KLC1: variants seen among roughly 807,000 people sequenced by gnomAD.
KLC1 encodes kinesin 2 60/70kDa.
Under a neutral mutation model 84.2 loss-of-function variants are expected in KLC1, and 30 were observed. The ratio of observed to expected loss-of-function variants is 0.36; its 90% CI spans 0.27 to 0.48. KLC1 has a LOEUF of 0.48. Ranked by LOEUF, KLC1 falls within the 20% of genes least tolerant of loss-of-function variation. The pLI, the probability that KLC1 is intolerant of heterozygous loss-of-function variation, is 0.99. For missense variants in KLC1, 499 were observed against 805.4 expected (o/e 0.62, Z 4.60); for synonymous variants, 289 against 293.3 (o/e 0.99, Z 0.15).
intron 1 of KLC1, among the ~76,000 whole-genome samples, chr14:103,638,687 A>T: frequency 8.2e-6 from 1 of 122,542 alleles, no homozygotes; most frequent in Non-Finnish European, 1.6e-5. Flanking sequence ...TTTGAGTCAG[A>T]GTCTCGCTCT....
intron 15 of KLC1, chr14:103,695,730 C>T (rs1567043635): frequency 5.1e-6 from 5 of 985,296 alleles, no homozygotes; most frequent in Non-Finnish European, 6.0e-6. Context: ...CTGTGGCTTC[C>T]AGCCATGGGA....
Position 103,657,665 on chromosome 14 carries a change from G to A in KLC1, c.381G>A (p.Thr127=), listed in dbSNP as rs1247404931. The change falls in exon 3 of 17, where the codon ACG becomes ACA. Residue 127 remains threonine, a synonymous_variant. Transcript: ENST00000334553. ...GGCTACGGGATGAACTGGCCAACACGCAGCAGAAACTGCAGAAGAGTGAGC... is the reference window on the plus strand; with the variant it reads ...GGCTACGGGATGAACTGGCCAACACACAGCAGAAACTGCAGAAGAGTGAGC... ...NQWLRDELAN[T]QQKLQKSEQS... 3.7e-6 allele frequency: 6 copies of A among 1,614,062 alleles called. No individual in the cohort carries two copies. The African/African-American group carries it at 4.0e-5, about 11-fold the overall frequency.
chr14:103,685,625 TTCTG>T, intron 13 of KLC1: 2 of 1,289,356 alleles, frequency 1.6e-6, no homozygotes, highest in Non-Finnish European at 2.0e-6. Context: ...TCTCTCTCCT[TTCTG>T]TCTGACAGGC....
chr14:103,684,781 T>C, intron 13 of KLC1: 1 of 573,372 alleles, frequency 1.7e-6, no homozygotes, highest in Middle Eastern at 2.8e-4. Context: ...ATCTTCTGTG[T>C]TCTGCCAAGC....
chr14:103,688,965 C>G (rs1383074950), intron 14 of KLC1, among the ~76,000 whole-genome samples: 1 of 152,116 alleles, frequency 6.6e-6, no homozygotes, highest in Non-Finnish European at 1.5e-5. Flanking sequence ...TTTCCAGAAC[C>G]AAAATGATAG....
chr14:103,679,748 A>T, intron 13 of KLC1: 1 of 527,580 alleles, frequency 1.9e-6, no homozygotes. Context: ...GAATCCATGA[A>T]AGCTGTTTGG....
chr14:103,636,771 T>G (rs1446780768), intron 1 of KLC1, among the ~76,000 whole-genome samples: 1 of 150,902 alleles, frequency 6.6e-6, no homozygotes, highest in African/African-American at 2.4e-5. Context: ...TGCCCAGGCT[T>G]GAGTGCAGTG....
intron 1 of KLC1, among the ~76,000 whole-genome samples, chr14:103,652,442 TGTTAAATAAATACTAACA>T (rs1262211918): frequency 2.0e-5 from 3 of 152,228 alleles, no homozygotes; most frequent in South Asian, 4.2e-4. Context: ...GAGAGCCCTG[TGTTAAATAAATACTAACA>T]GTTAACATAC....
At chr14:103,665,920 GT>G (rs34216573) in intron 5 of KLC1, among the ~76,000 whole-genome samples, 41,730 of 151,842 alleles carry the variant, frequency 0.27, 6,300 homozygotes, top group East Asian at 0.53. Context: ...TATGCATTGT[GT>G]TTTAATTTGT....
Position 103,657,761 on chromosome 14 carries a change from C to T in KLC1, c.477C>T (p.Asp159=), listed in dbSNP as rs762809618. Residue 159 remains aspartate, a synonymous_variant, in exon 3 of 17, where the codon GAC becomes GAT. Coordinates refer to ENST00000334553, the MANE Select transcript of KLC1 (RefSeq NM_001394837.1). ...TGAATCAGCTAAAAAAATATGATGA[C>T]GACATTTCCCCATCCGTGAGTGGCT... ...EFMNQLKKYD[D]DISPSEDKDT... The T allele has an allele frequency of 3.7e-5, 60 of 1,612,884 alleles. No homozygotes were observed. The highest frequency in any genetic ancestry group is 1.6e-4 in the African/African-American group (12 of 74,894).
At chr14:103,670,347 T>G in intron 7 of KLC1, 64 bp downstream of exon 7, 1 of 1,252,960 alleles carries the variant, frequency 8.0e-7, no homozygotes, top group Non-Finnish European at 1.1e-6. Flanking sequence ...TGGTTTTTTT[T>G]TTTTTTTTGA....
rs529026808 is a variant in KLC1, at chr14:103,660,207, G to A, written c.493-1909G>A. 4.6e-5 allele frequency among the ~76,000 whole-genome samples: 7 copies of A among 152,286 alleles called. No individual in the cohort carries two copies. In the East Asian group the frequency reaches 5.8e-4, roughly 13 times the overall value. ...TTTGATTTAAAAGATGTGGCTGGGC[G>A]CAGTGGCTCATGCCTGTAATCCCAG... On this transcript the variant is annotated intron_variant, in intron 3 of 16. Coordinates refer to ENST00000334553, the MANE Select transcript of KLC1 (RefSeq NM_001394837.1).
At chr14:103,642,286 A>G (rs2077553477) in intron 1 of KLC1, among the ~76,000 whole-genome samples, 1 of 151,972 alleles carries the variant, frequency 6.6e-6, no homozygotes, top group Non-Finnish European at 1.5e-5. Context: ...TCATGGCCTA[A>G]TCACCTCCCA....
At chr14:103,695,542 T>C (rs1028090476) in intron 15 of KLC1, 4 of 985,172 alleles carry the variant, frequency 4.1e-6, no homozygotes, top group East Asian at 1.1e-4. Context: ...GGGTGCCTTC[T>C]CCCTGTGAGG....
chr14:103,696,163 G>A, intron 15 of KLC1: 1 of 980,854 alleles, frequency 1.0e-6, no homozygotes, highest in Non-Finnish European at 1.2e-6. Flanking sequence ...TGGCATGGGA[G>A]CGTCTGGATC....
intron 3 of KLC1, among the ~76,000 whole-genome samples, chr14:103,658,563 C>T (rs2079014815): frequency 6.6e-6 from 1 of 151,684 alleles, no homozygotes; most frequent in South Asian, 2.1e-4. Context: ...GTGGGAGCCA[C>T]CATGCCCAGC....
rs200757661 is a variant in KLC1, at chr14:103,669,442, G to GAAAAA, written c.798-65_798-64insAAAAA. 7.9e-4 allele frequency: 733 copies of GAAAAA among 923,492 alleles called. 12 individuals carry two copies. In the East Asian group the frequency reaches 0.011, roughly 14 times the overall value. 57.2% of individuals were successfully genotyped at this position (923,492 alleles called of 1,614,324 possible). On this transcript the variant is annotated intron_variant, in intron 5 of 16. Transcript: ENST00000334553. The stretch of plus-strand genomic sequence containing the variant: ...GAGTCAGACTCTGTCTAAAAAAAAA[G>GAAAAA]AAAAGAAAAGAAAAGAAAAGCTGTA...
At chr14:103,647,948 G>A (rs1000732067) in intron 1 of KLC1, among the ~76,000 whole-genome samples, 1 of 151,148 alleles carries the variant, frequency 6.6e-6, no homozygotes, top group Non-Finnish European at 1.5e-5. Context: ...AGGTCTATTT[G>A]TATTGGGTTT....
intron 13 of KLC1, among the ~76,000 whole-genome samples, chr14:103,680,540 A>G (rs2081267041): frequency 1.3e-5 from 2 of 152,236 alleles, no homozygotes; most frequent in South Asian, 4.1e-4. Context: ...ATATTTTATA[A>G]AAAATGTTAG....
Sources: gnomAD v4.1 joint callset for allele counts (sites outside exome capture counted in the v4.1 genomes callset) on GRCh38, gnomAD v4.1.1 for gene constraint, MANE v1.5 for transcripts, NCBI Gene and HGNC (gene_info 2026-07-23, HGNC 2026-07-21) for gene names.